GRAMD1B: variants seen among roughly 807,000 people sequenced by gnomAD.
GRAMD1B encodes GRAM domain containing 1B.
In GRAMD1B, 37 loss-of-function variants were observed where a neutral mutation model predicts 99.7. The ratio of observed to expected loss-of-function variants is 0.37; its 90% confidence interval spans 0.29 to 0.49. GRAMD1B has a LOEUF of 0.49. Ranked by LOEUF, GRAMD1B falls within the 20% of genes least tolerant of loss-of-function variation. GRAMD1B has a pLI of 0.98. For missense variants in GRAMD1B, 888 were observed against 1,009.2 expected, an observed-to-expected ratio of 0.88 and a Z score of 1.63; for synonymous variants, 427 against 387.6, an observed-to-expected ratio of 1.10 and a Z score of -1.19.
intron 2 of GRAMD1B, among the ~76,000 whole-genome samples, chr11:123,486,938 G>A: frequency 6.6e-6 from 1 of 151,896 alleles, no homozygotes; most frequent in East Asian, 2.0e-4. Flanking sequence ...GTGTGGTGGT[G>A]TGCGCCTGTA....
At chr11:123,477,925 C>A (rs767224479) in intron 1 of GRAMD1B, among the ~76,000 whole-genome samples, 4 of 151,974 alleles carry the variant, frequency 2.6e-5, no homozygotes, top group Non-Finnish European at 5.9e-5. Flanking sequence ...CAGGCGCTTG[C>A]CACCAAGACT....
At chr11:123,583,242 TG>T (rs1435946982) in intron 3 of GRAMD1B, among the ~76,000 whole-genome samples, 1 of 150,304 alleles carries the variant, frequency 6.7e-6, no homozygotes, top group Admixed American at 6.7e-5. Context: ...TGTGCATGTC[TG>T]TGTGAATGTG....
Position 123,417,787 on chromosome 11 carries a change from A to G in GRAMD1B, c.-176+58988A>G, listed in dbSNP as rs571467541. Among the ~76,000 whole-genome samples, 7 of 152,268 alleles carry G rather than the reference A, an allele frequency of 4.6e-5. No individual in the cohort carries two copies. In the East Asian group the frequency reaches 1.4e-3, roughly 30 times the overall value. On this transcript the variant is annotated intron_variant, in intron 1 of 20. Coordinates refer to the GRAMD1B transcript ENST00000638157. The stretch of plus-strand genomic sequence containing the variant: ...CCCTGTCTGCACGAAAAATATAAAA[A>G]TGAGTCTGGTGTGGTAGTGTGTGCC...
intron 2 of GRAMD1B, among the ~76,000 whole-genome samples, chr11:123,519,326 G>A (rs1941972111): frequency 2.6e-5 from 4 of 152,348 alleles, no homozygotes; most frequent in Admixed American, 6.5e-5. Flanking sequence ...GGGAAGTGGT[G>A]GGGAGCACCT....
chr11:123,614,869 A>G, intron 17 of GRAMD1B, 34 bp downstream of exon 17: 1 of 1,262,784 alleles, frequency 7.9e-7, no homozygotes, highest in Non-Finnish European at 1.1e-6. Flanking sequence ...TCCTGCCCTC[A>G]CCACCTTCCC....
chr11:123,517,827 T>C (rs1941818939), intron 2 of GRAMD1B, among the ~76,000 whole-genome samples: 1 of 152,172 alleles, frequency 6.6e-6, no homozygotes, highest in East Asian at 1.9e-4. Context: ...AATACTGATA[T>C]GTAATTTAGT....
chr11:123,577,413 C>G lies in GRAMD1B; in HGVS notation c.499C>G (p.Leu167Val). ...CAGCACGCCGGCCTGCTCGCCCATCCTCCGGAAGCGGTCTCGCTCGCCAAC... is the reference window on the plus strand; with the variant it reads ...CAGCACGCCGGCCTGCTCGCCCATCGTCCGGAAGCGGTCTCGCTCGCCAAC... ...NRSTPACSPI[L>V]RKRSRSPTPQ... The change falls in exon 3 of 20, where the codon CTC (leucine) becomes GTC (valine). Residue 167 changes from leucine to valine, a missense_variant. By Grantham distance (32) the Leu-to-Val change is conservative. Coordinates refer to ENST00000635736, the MANE Select transcript of GRAMD1B (RefSeq NM_001387025.1). The G allele has an allele frequency of 6.3e-7, 1 of 1,598,966 alleles. No individual in the cohort carries two copies. The highest frequency in any genetic ancestry group is 2.3e-5 in the East Asian group (1 of 43,994).
intron 2 of GRAMD1B, among the ~76,000 whole-genome samples, chr11:123,486,759 G>A (rs758324195): frequency 5.3e-5 from 8 of 152,144 alleles, no homozygotes; most frequent in Admixed American, 1.3e-4. Context: ...GAAATTATGC[G>A]TAAGGTAATA....
At chr11:123,451,586 C>T (rs962579705) in intron 1 of GRAMD1B, among the ~76,000 whole-genome samples, 2 of 152,156 alleles carry the variant, frequency 1.3e-5, no homozygotes, top group Non-Finnish European at 2.9e-5. Flanking sequence ...CTAGCAGTTT[C>T]GGTGTGCTCC....
At chr11:123,367,368 T>C (rs1250315066) in intron 1 of GRAMD1B, among the ~76,000 whole-genome samples, 4 of 152,180 alleles carry the variant, frequency 2.6e-5, no homozygotes. Context: ...CAAAGTGTCA[T>C]AGGAACGCCA....
chr11:123,400,638 T>C (rs937780592), intron 1 of GRAMD1B, among the ~76,000 whole-genome samples: 2 of 152,130 alleles, frequency 1.3e-5, no homozygotes, highest in African/African-American at 4.8e-5. Context: ...GGGAGCTCTC[T>C]GGGGTCTCTT....
intron 1 of GRAMD1B, among the ~76,000 whole-genome samples, chr11:123,393,090 A>C (rs1197555901): frequency 6.6e-6 from 1 of 152,222 alleles, no homozygotes; most frequent in African/African-American, 2.4e-5. Context: ...GAGCTTTTAG[A>C]ATAATGAAAT....
chr11:123,362,711 C>T (rs1946185582), intron 1 of GRAMD1B, among the ~76,000 whole-genome samples: 1 of 152,112 alleles, frequency 6.6e-6, no homozygotes, highest in Admixed American at 6.5e-5. Flanking sequence ...TAATTGAACT[C>T]TGAAATCCCA....
intron 2 of GRAMD1B, chr11:123,526,088 A>T: frequency 7.0e-7 from 1 of 1,435,830 alleles, no homozygotes. Context: ...ATGTCCTGGG[A>T]CCTCCGGAGC....
intron 2 of GRAMD1B, among the ~76,000 whole-genome samples, chr11:123,488,365 G>A (rs946911180): frequency 2.0e-5 from 3 of 152,178 alleles, no homozygotes; most frequent in Admixed American, 6.5e-5. Context: ...CCGGGGCTGT[G>A]GAGGATGGAT....
At chr11:123,599,325 G>A in intron 7 of GRAMD1B, 1 of 705,378 alleles carries the variant, frequency 1.4e-6, no homozygotes, top group South Asian at 1.4e-5. Flanking sequence ...CGTGGCCCGA[G>A]TGCAGTGATC....
At chr11:123,513,298 G>A (rs1482441126) in intron 2 of GRAMD1B, among the ~76,000 whole-genome samples, 3 of 152,116 alleles carry the variant, frequency 2.0e-5, no homozygotes, top group Non-Finnish European at 4.4e-5. Flanking sequence ...AGTTCCTGGA[G>A]TAGAGCTTTT....
chr11:123,610,372 G>A lies in GRAMD1B; in HGVS notation c.1919+34G>A, dbSNP rs760895660. On this transcript the variant is annotated intron_variant, in intron 14 of 19. Coordinates refer to ENST00000635736, the MANE Select transcript of GRAMD1B (RefSeq NM_001387025.1). This position sits in a 1 kb window ranked among gnomAD's most constrained non-coding sequence, Gnocchi z 4.1. ...TGTGGAAGTCCCAGTGCGGTCAGAC[G>A]GGGGTCCTTACCTTAGAGAACATTC... 96 of 1,608,440 alleles carry A rather than the reference G, an allele frequency of 6.0e-5. No individual in the cohort carries two copies. Among genetic ancestry groups the A allele is most frequent in the Non-Finnish European group, 3.5e-5 (41 of 1,175,392 alleles).
intron 2 of GRAMD1B, among the ~76,000 whole-genome samples, chr11:123,528,045 A>G (rs533115375): frequency 9.2e-5 from 14 of 152,276 alleles, no homozygotes; most frequent in African/African-American, 3.1e-4. Context: ...ATACTGTTAG[A>G]TCCTGTGACC....
Sources: gnomAD v4.1 joint callset for allele counts (sites outside exome capture counted in the v4.1 genomes callset) on GRCh38, gnomAD v4.1.1 for gene constraint, Gnocchi (gnomAD v3.1) non-coding constraint, MANE v1.5 for transcripts, NCBI Gene and HGNC (gene_info 2026-07-23, HGNC 2026-07-21) for gene names.